The following C19orf53 variants were observed in gnomAD, a reference collection of about 807,000 sequenced individuals.
The protein encoded by C19orf53 is leydig cell tumor 10 kDa protein homolog.
Under a neutral mutation model 6.5 loss-of-function variants are expected in C19orf53, and 9 were observed. That is an observed-to-expected ratio of 1.38 (90% CI 0.83 to 2.40). The LOEUF (loss-of-function observed/expected upper bound fraction) is 2.40, where lower values mean the gene tolerates loss of function less well. C19orf53 is among the 30% of genes most tolerant of loss of function. The probability of loss-of-function intolerance (pLI) is 0.00; values close to 1 mark genes in which losing one functional copy is unlikely to be tolerated. For synonymous variants in C19orf53, 68 were observed against 52.5 expected, an observed-to-expected ratio of 1.29 and a Z score of -1.27; for missense variants, 166 against 129.7, an observed-to-expected ratio of 1.28 and a Z score of -1.36.
chr19:13,778,175 A>C lies in C19orf53; in HGVS notation c.277A>C (p.Thr93Pro), dbSNP rs1458431102. The C allele has an allele frequency of 6.2e-7, 1 of 1,609,070 alleles. No homozygotes were observed. The highest frequency in any genetic ancestry group is 8.5e-7 in the Non-Finnish European group (1 of 1,177,088). ...PAKKKGAAAA[T>P]SSKTPS ...CAAGAAGAAAGGGGCAGCTGCCGCC[A>C]CCTCCTCCAAGACACCTTCCTGAGG... The change falls in exon 3 of 3, where the codon ACC (threonine) becomes CCC (proline). Residue 93 changes from threonine (T) to proline (P), a missense_variant. Physicochemically the swap from Thr to Pro is conservative, Grantham distance 38. Coordinates refer to ENST00000588234, the MANE Select transcript of C19orf53 (RefSeq NM_014047.3).
chr19:13,776,722 ACTCT>A (rs1255964422), intron 2 of C19orf53, among the ~76,000 whole-genome samples: 1 of 151,240 alleles, frequency 6.6e-6, no homozygotes, highest in East Asian at 1.9e-4. Flanking sequence ...CCTTCTTCCA[ACTCT>A]CTTCAAAGAG....
intron 2 of C19orf53, chr19:13,775,574 C>T (rs981487725): frequency 2.0e-5 from 3 of 152,008 alleles, no homozygotes; most frequent in African/African-American, 7.3e-5. Flanking sequence ...CGTGAGCCAC[C>T]CTATGGTTGT....
At chr19:13,776,800 C>T (rs764538928) in intron 2 of C19orf53, among the ~76,000 whole-genome samples, 4 of 152,182 alleles carry the variant, frequency 2.6e-5, no homozygotes, top group Non-Finnish European at 4.4e-5. Flanking sequence ...GCCATAGCAG[C>T]GCTTACCATC....
In C19orf53 at chr19:13,778,200, G is replaced by C. The variant is rs558572605; in HGVS notation, c.*2G>C. 1 of 1,597,758 alleles carries C rather than the reference G, an allele frequency of 6.3e-7. No individual in the cohort carries two copies. Among genetic ancestry groups the C allele is most frequent in the African/African-American group, 1.3e-5 (1 of 74,480 alleles). ...ACCTCCTCCAAGACACCTTCCTGAG[G>C]ACGCTGGCCCCAGTGCAGGCCAACA... On this transcript the variant is annotated 3_prime_UTR_variant, in exon 3 of 3. Transcript: ENST00000588234.
chr19:13,775,006 G>T, intron 2 of C19orf53: 1 of 528,458 alleles, frequency 1.9e-6, no homozygotes, highest in Non-Finnish European at 3.4e-6. Context: ...GATCGGCAAA[G>T]GGCAAGGGAT....
chr19:13,778,231 C>T lies in C19orf53; in HGVS notation c.*33C>T, dbSNP rs2057683670. The T allele has an allele frequency of 1.3e-6, 2 of 1,540,116 alleles. No homozygotes were observed. The highest frequency in any genetic ancestry group is 1.4e-5 in the African/African-American group (1 of 72,706). On this transcript the variant is annotated 3_prime_UTR_variant, in exon 3 of 3. Coordinates refer to ENST00000588234, the MANE Select transcript of C19orf53 (RefSeq NM_014047.3). The stretch of plus-strand genomic sequence containing the variant: ...GGCCCCAGTGCAGGCCAACATCCCA[C>T]CCCCTACCTCCATATGGGACCTTGC...
intron 2 of C19orf53, among the ~76,000 whole-genome samples, chr19:13,777,068 C>G (rs1194036401): frequency 2.6e-5 from 4 of 152,190 alleles, no homozygotes; most frequent in Admixed American, 2.6e-4. Flanking sequence ...TCTCCTGCCT[C>G]AGCCTCTCGA....
At chr19:13,777,769 G>A (rs1055836729) in intron 2 of C19orf53, among the ~76,000 whole-genome samples, 1 of 152,206 alleles carries the variant, frequency 6.6e-6, no homozygotes, top group Non-Finnish European at 1.5e-5. Flanking sequence ...TTAGGGACCT[G>A]GGCAACCAGT....
At position 13,774,569 on chromosome 19, in the gene C19orf53, A is replaced by G. The variant is rs1217925785; in HGVS notation, c.92A>G (p.Lys31Arg). 1 of 1,614,056 alleles carries G rather than the reference A, an allele frequency of 6.2e-7. No homozygotes were observed. Among genetic ancestry groups the G allele is most frequent in the Admixed American group, 1.7e-5 (1 of 60,024 alleles). Residue 31 changes from lysine (K) to arginine (R), a missense_variant, in exon 1 of 3, where the codon AAA becomes AGA. Transcript: ENST00000588234. ...TCTGAAAAGAATCGGGGCCCAAGAA[A>G]AGGCGGTAAGGAGCGGCCCGGGGAC... is the stretch of plus-strand genomic sequence containing the variant. Reference protein sequence around the residue: ...AASEKNRGPRKGGRVIAPKKA... With the variant: ...AASEKNRGPRRGGRVIAPKKA...
rs918839466 is a variant in C19orf53, at chr19:13,776,502, A to G, written c.154-1550A>G. Among the ~76,000 whole-genome samples, 4 of 151,984 alleles carry G rather than the reference A, an allele frequency of 2.6e-5. 1 individual carries two copies. The South Asian group carries it at 6.2e-4, about 24-fold the overall frequency. ...ATCCTCCATGGCTTCCACCTCACCC[A>G]GGAAAAAGGTCCAGTCCTCACTCAG... On this transcript the variant is annotated intron_variant, in intron 2 of 2. Transcript: ENST00000588234.
chr19:13,776,284 T>A (rs1409721489), intron 2 of C19orf53, among the ~76,000 whole-genome samples: 2 of 151,802 alleles, frequency 1.3e-5, no homozygotes, highest in Non-Finnish European at 2.9e-5. Context: ...GCCCCTATTT[T>A]GCCCTTAGAA....
At chr19:13,775,813 C>T (rs1009694139) in intron 2 of C19orf53, among the ~76,000 whole-genome samples, 1 of 152,110 alleles carries the variant, frequency 6.6e-6, no homozygotes, top group Non-Finnish European at 1.5e-5. Flanking sequence ...ATCTCATGGT[C>T]ACCTTGCACT....
At chr19:13,775,837 A>T (rs1271613432) in intron 2 of C19orf53, among the ~76,000 whole-genome samples, 1 of 151,810 alleles carries the variant, frequency 6.6e-6, no homozygotes, top group Non-Finnish European at 1.5e-5. Flanking sequence ...CATGTCCAAA[A>T]CCAAATTCCT....
At chr19:13,774,857 A>T in intron 2 of C19orf53, 150 bp downstream of exon 2, 1 of 1,084,782 alleles carries the variant, frequency 9.2e-7, no homozygotes, top group Non-Finnish European at 1.3e-6. Flanking sequence ...GGATAGAGCC[A>T]GGGGCCGCGT....
At chr19:13,775,867 G>A (rs1974365130) in intron 2 of C19orf53, among the ~76,000 whole-genome samples, 1 of 151,944 alleles carries the variant, frequency 6.6e-6, no homozygotes, top group Non-Finnish European at 1.5e-5. Flanking sequence ...TTCCCATTCT[G>A]CCCTCCTCCC....
At position 13,774,703 on chromosome 19, in the gene C19orf53, A is replaced by G. The variant is rs779160483; in HGVS notation, c.149A>G (p.Lys50Arg). ...CGCGTCGTGCAGCAGCAAAAGCTCA[A>G]GAAGGTGTGCGGGGGCGAGAGATGG... is the stretch of plus-strand genomic sequence containing the variant. ...KARVVQQQKL[K>R]KNLEVGIRKK... The change falls in exon 2 of 3, where the codon AAG becomes AGG. Residue 50 changes from lysine (K) to arginine (R), a missense_variant. Transcript: ENST00000588234. 42 of 1,605,734 alleles carry G rather than the reference A, an allele frequency of 2.6e-5. No homozygotes were observed. The highest frequency in any genetic ancestry group is 3.5e-5 in the Non-Finnish European group (41 of 1,173,612).
In C19orf53 at chr19:13,778,293, C is replaced by T. The variant is rs900295518; in HGVS notation, c.*95C>T. ...CAGGCTGCACTGTCAGGAAGAGGAC[C>T]CTGTCCCCCAGCACTGGGCTTCACC... On this transcript the variant is annotated 3_prime_UTR_variant, in exon 3 of 3. Transcript: ENST00000588234. The T allele has an allele frequency of 6.4e-6, 9 of 1,403,742 alleles. No individual in the cohort carries two copies. The African/African-American group carries it at 7.3e-5, about 11-fold the overall frequency. The allele number at this position is 1,403,742 out of a possible 1,614,324, so 87.0% of individuals were successfully genotyped here. A position where few individuals can be genotyped will look rare whatever the true frequency, so the allele number is the denominator to read the frequency against.
rs1352092568 is a variant in C19orf53 at position 13,778,725 on chromosome 19, G to A, written c.*527G>A. The stretch of plus-strand genomic sequence containing the variant: ...CAAGCTGGACATCAGTAGGTCAGAT[G>A]CCACCTCACAGGACCAAGGTGCCGA... On this transcript the variant is annotated 3_prime_UTR_variant, in exon 3 of 3. Transcript: ENST00000588234. Among the ~76,000 whole-genome samples the A allele has an allele frequency of 1.3e-5, 2 of 152,206 alleles. No individual in the cohort carries two copies. The highest frequency in any genetic ancestry group is 1.5e-5 in the Non-Finnish European group (1 of 68,044).
rs764131323 is a variant in C19orf53 at position 13,774,836 on chromosome 19, T to C, written c.153+129T>C. Reference sequence around the variant, plus strand: ...GAGAGGGTGGATCCTGGGGACGAGCTAGGAGCGAGGGGATAGAGCCAGGGG... The same window carrying C: ...GAGAGGGTGGATCCTGGGGACGAGCCAGGAGCGAGGGGATAGAGCCAGGGG... On this transcript the variant is annotated intron_variant, in intron 2 of 2. Coordinates refer to ENST00000588234, the MANE Select transcript of C19orf53 (RefSeq NM_014047.3). 49 of 1,273,866 alleles carry C rather than the reference T, an allele frequency of 3.8e-5. No individual in the cohort carries two copies. The South Asian group carries it at 6.5e-4, about 17-fold the overall frequency. The allele number at this position is 1,273,866 out of a possible 1,614,324, so 78.9% of individuals were successfully genotyped here.
Sources: allele counts gnomAD v4.1 joint callset (sites outside exome capture counted in the v4.1 genomes callset), GRCh38; gene constraint gnomAD v4.1.1; transcripts MANE v1.5; gene names NCBI Gene and HGNC (gene_info 2026-07-23, HGNC 2026-07-21).